Variants in ZNF263 observed in about 807,000 individuals in gnomAD.
ZNF263 encodes the protein zinc finger protein 263.
In ZNF263, 49 loss-of-function variants were observed where a neutral mutation model predicts 63.1. The observed-to-expected ratio is 0.78, with a 90% CI of 0.62 to 0.99. The LOEUF (loss-of-function observed/expected upper bound fraction) is 0.99. Ranked by LOEUF, ZNF263 falls within the 50% of genes least tolerant of loss-of-function variation. The pLI is 0.00. For missense variants in ZNF263, 872 were observed against 854.8 expected, an observed-to-expected ratio of 1.02 and a Z score of -0.25; for synonymous variants, 352 against 324.2, an observed-to-expected ratio of 1.09 and a Z score of -0.92.
chr16:3,284,492 T>C (rs897840008), intron 1 of ZNF263, among the ~76,000 whole-genome samples: 2 of 152,240 alleles, frequency 1.3e-5, no homozygotes, highest in African/African-American at 4.8e-5. Context: ...ACTAGCTTTG[T>C]TACTTTGGCA....
downstream of ZNF263, among the ~76,000 whole-genome samples, chr16:3,293,870 G>C (rs551604379): frequency 3.3e-5 from 5 of 152,346 alleles, no homozygotes; most frequent in African/African-American, 9.6e-5. Context: ...TGTAATGAAA[G>C]AACTTTTGGG....
downstream of ZNF263, among the ~76,000 whole-genome samples, chr16:3,291,814 A>G (rs1479069523): frequency 6.6e-6 from 1 of 152,218 alleles, no homozygotes; most frequent in Non-Finnish European, 1.5e-5. Context: ...ACTCTTAGAG[A>G]ACAGGATATT....
chr16:3,287,079 A>G (rs1411769176), intron 4 of ZNF263, among the ~76,000 whole-genome samples: 1 of 152,164 alleles, frequency 6.6e-6, no homozygotes, highest in Non-Finnish European at 1.5e-5. Context: ...ACTCTGTTTC[A>G]AAACAAACAA....
At chr16:3,284,502 A>T (rs1459460401) in intron 1 of ZNF263, among the ~76,000 whole-genome samples, 1 of 152,196 alleles carries the variant, frequency 6.6e-6, no homozygotes, top group Non-Finnish European at 1.5e-5. Context: ...TTACTTTGGC[A>T]AGTTACTTGA....
intron 2 of ZNF263, chr16:3,300,757 C>A: frequency 7.3e-7 from 1 of 1,369,928 alleles, no homozygotes. Flanking sequence ...GGATAATGGA[C>A]TGAAGGGGCT....
chr16:3,290,316 A>C lies in ZNF263; in HGVS notation c.1810A>C (p.Lys604Gln), dbSNP rs201180719. The stretch of plus-strand genomic sequence containing the variant: ...AACACACACAGGAGAGAAACCGTAT[A>C]AATGTACCCTTTGTGGGGAAAACTT... ...QRTHTGEKPY[K>Q]CTLCGENFSH... is the part of the protein sequence containing the mutation. Residue 604 changes from lysine (K) to glutamine (Q), a missense_variant, in exon 6 of 6, where the codon AAA becomes CAA. Coordinates refer to ENST00000219069, the MANE Select transcript of ZNF263 (RefSeq NM_005741.5). 1.2e-6 allele frequency: 2 copies of C among 1,613,998 alleles called. No homozygotes were observed. The highest frequency in any genetic ancestry group is 3.3e-5 in the Admixed American group (2 of 60,024).
At chr16:3,291,603 C>T, downstream of ZNF263, 2 of 698,628 alleles carry the variant, frequency 2.9e-6, no homozygotes, top group Non-Finnish European at 3.5e-6. Flanking sequence ...AGCAGACAGG[C>T]AGAGGCAGGT....
chr16:3,298,726 TTAGA>T lies in ZNF263; in HGVS notation c.152-377_152-374del. ...ATGCTTTTCGCAAAGGCATTCCACC[TTAGA>T]TAATCTGGGACAATACTTCATTATT... On this transcript the variant is annotated intron_variant, in intron 1 of 2. Coordinates refer to the ZNF263 transcript ENST00000574674. 8 of 306,410 alleles carry T rather than the reference TTAGA, an allele frequency of 2.6e-5. No individual in the cohort carries two copies. The East Asian group carries it at 4.1e-4, about 16-fold the overall frequency. The allele number at this position is 306,410 out of a possible 1,614,324, so 19.0% of individuals were successfully genotyped here.
intron 2 of ZNF263, chr16:3,299,947 T>G: frequency 6.2e-7 from 1 of 1,613,404 alleles, no homozygotes; most frequent in Non-Finnish European, 8.5e-7. Flanking sequence ...TGACTTTAAT[T>G]TATGAGTTCC....
intron 4 of ZNF263, among the ~76,000 whole-genome samples, chr16:3,287,358 C>T (rs908662545): frequency 2.0e-5 from 3 of 151,228 alleles, no homozygotes; most frequent in East Asian, 1.9e-4. Context: ...GTGATCCACC[C>T]GCCTCCCAAA....
At chr16:3,298,798 C>A (rs1407302142) in intron 1 of ZNF263, 1 of 391,170 alleles carries the variant, frequency 2.6e-6, no homozygotes, top group African/African-American at 2.1e-5. Context: ...TTATGAAACA[C>A]AAATTTAAAT....
intron 4 of ZNF263, among the ~76,000 whole-genome samples, chr16:3,288,085 C>G (rs749721764): frequency 1.3e-5 from 2 of 151,942 alleles, no homozygotes; most frequent in Non-Finnish European, 2.9e-5. Flanking sequence ...AACTCCATCT[C>G]TACTAAAAAT....
downstream of ZNF263, among the ~76,000 whole-genome samples, chr16:3,295,866 C>T (rs1042388272): frequency 1.3e-5 from 2 of 152,144 alleles, no homozygotes; most frequent in African/African-American, 2.4e-5. Context: ...TCAAGACTTA[C>T]GTGGGCCGAG....
Position 3,290,344 on chromosome 16 carries a change from C to G in ZNF263, c.1838C>G (p.Ser613Cys). The G allele has an allele frequency of 6.2e-7, 1 of 1,614,120 alleles. No individual in the cohort carries two copies. The highest frequency in any genetic ancestry group is 8.5e-7 in the Non-Finnish European group (1 of 1,180,010). Residue 613 changes from serine to cysteine, a missense_variant, in exon 6 of 6, where the codon TCT (serine) becomes TGT (cysteine). Physicochemically the swap from Ser to Cys is moderately radical, Grantham distance 112. Coordinates refer to ENST00000219069, the MANE Select transcript of ZNF263 (RefSeq NM_005741.5). ...YKCTLCGENF[S>C]HRSNLIRHQR... ...TGTACCCTTTGTGGGGAAAACTTCT[C>G]TCATAGATCCAATTTAATCAGGCAC...
At chr16:3,295,652 G>C (rs1033184906), downstream of ZNF263, among the ~76,000 whole-genome samples, 1 of 152,254 alleles carries the variant, frequency 6.6e-6, no homozygotes, top group African/African-American at 2.4e-5. Flanking sequence ...CCCACGAAGT[G>C]TCTGAAGCCC....
chr16:3,299,087 C>T, intron 1 of ZNF263: 1 of 1,422,398 alleles, frequency 7.0e-7, no homozygotes, highest in Non-Finnish European at 9.2e-7. Context: ...TTGACTATTT[C>T]TTGTTGCATC....
At chr16:3,299,017 T>A (rs1020656105) in intron 1 of ZNF263, 131 of 1,356,250 alleles carry the variant, frequency 9.7e-5, no homozygotes, top group Non-Finnish European at 1.3e-4. Context: ...CTTAATATTA[T>A]GAGGCCTAGG....
intron 2 of ZNF263, 114 bp from the exon 3 acceptor site, chr16:3,285,567 C>A: frequency 9.4e-7 from 1 of 1,067,318 alleles, no homozygotes; most frequent in Non-Finnish European, 1.4e-6. Context: ...TGCAGTTTAG[C>A]GTCATTCCCA....
At chr16:3,299,062 C>T in intron 1 of ZNF263, 1 of 1,411,354 alleles carries the variant, frequency 7.1e-7, no homozygotes, top group East Asian at 2.6e-5. Flanking sequence ...ATGGATTTTA[C>T]TCTGGAACTG....
Sources: gnomAD v4.1 joint callset for allele counts (sites outside exome capture counted in the v4.1 genomes callset) on GRCh38, gnomAD v4.1.1 for gene constraint, MANE v1.5 for transcripts, NCBI Gene and HGNC (gene_info 2026-07-23, HGNC 2026-07-21) for gene names.